The following GRIK3 variants were observed in gnomAD, a reference collection of about 807,000 sequenced individuals.
The protein encoded by GRIK3 is glutamate ionotropic receptor kainate type subunit 3, also known as glutamate receptor ionotropic, kainate 3.
In GRIK3, 29 loss-of-function variants were observed where a neutral mutation model predicts 102.5. The ratio of observed to expected loss-of-function variants is 0.28; its 90% CI spans 0.21 to 0.39. The LOEUF (loss-of-function observed/expected upper bound fraction) is 0.39, where lower values mean the gene tolerates loss of function less well. GRIK3 is among the 10% of genes least tolerant of loss of function. The pLI, the probability that GRIK3 is intolerant of heterozygous loss-of-function variation, is 1.00. For missense variants in GRIK3, 908 were observed against 1,252.4 expected, an observed-to-expected ratio of 0.73 and a Z score of 4.15; for synonymous variants, 511 against 504.9, an observed-to-expected ratio of 1.01 and a Z score of -0.16.
intron 1 of GRIK3, among the ~76,000 whole-genome samples, chr1:36,968,230 TG>T (rs1642101161): frequency 1.0e-5 from 1 of 97,690 alleles, no homozygotes; most frequent in East Asian, 2.2e-4. Context: ...CGTGTGTGTG[TG>T]TGTGTGTGTG....
At chr1:36,839,395 C>A (rs1323072412) in intron 10 of GRIK3, among the ~76,000 whole-genome samples, 2 of 152,120 alleles carry the variant, frequency 1.3e-5, no homozygotes, top group Non-Finnish European at 2.9e-5. Flanking sequence ...GCTGCTTCCC[C>A]ACCAGTTGTC....
At chr1:36,982,454 T>C (rs1400610320) in intron 1 of GRIK3, among the ~76,000 whole-genome samples, 1 of 152,222 alleles carries the variant, frequency 6.6e-6, no homozygotes, top group Non-Finnish European at 1.5e-5. Context: ...CTACTTAATG[T>C]GTGGCATATG....
intron 13 of GRIK3, among the ~76,000 whole-genome samples, chr1:36,814,232 G>A (rs981960274): frequency 3.3e-5 from 5 of 152,124 alleles, no homozygotes; most frequent in Admixed American, 6.5e-5. Flanking sequence ...GGGAGGCAGG[G>A]ACATCCAATC....
At chr1:36,931,654 G>C (rs1417704075) in intron 1 of GRIK3, among the ~76,000 whole-genome samples, 2 of 152,104 alleles carry the variant, frequency 1.3e-5, no homozygotes, top group African/African-American at 2.4e-5. Context: ...GTTTTTCTTT[G>C]CCATATGCCT....
intron 1 of GRIK3, among the ~76,000 whole-genome samples, chr1:36,908,285 C>CTTT (rs1462292253): frequency 7.9e-5 from 12 of 152,208 alleles, no homozygotes; most frequent in Admixed American, 5.2e-4. Context: ...TACTGGGGGG[C>CTTT]AGTGTCAACT....
At chr1:37,029,027 T>C (rs999790417) in intron 1 of GRIK3, among the ~76,000 whole-genome samples, 4 of 152,188 alleles carry the variant, frequency 2.6e-5, no homozygotes, top group Admixed American at 2.6e-4. Flanking sequence ...TTCATTATTT[T>C]GATTTTGCTC....
At chr1:36,856,632 T>C (rs1640656259) in intron 7 of GRIK3, among the ~76,000 whole-genome samples, 1 of 152,200 alleles carries the variant, frequency 6.6e-6, no homozygotes, top group Admixed American at 6.5e-5. Context: ...ACGGGGCTAT[T>C]CTGGGCCTTA....
At chr1:36,929,620 T>C (rs1198463904) in intron 1 of GRIK3, among the ~76,000 whole-genome samples, 2 of 152,172 alleles carry the variant, frequency 1.3e-5, no homozygotes, top group Non-Finnish European at 2.9e-5. Context: ...GTTTTTTTCC[T>C]CAGTGAATAT....
intron 1 of GRIK3, among the ~76,000 whole-genome samples, chr1:36,980,633 G>C (rs1642239680): frequency 6.6e-6 from 1 of 151,984 alleles, no homozygotes. Context: ...GGCCTGGGCA[G>C]TCAGCTCTGC....
At chr1:36,804,703 T>G in intron 15 of GRIK3, 1 of 522,006 alleles carries the variant, frequency 1.9e-6, no homozygotes, top group Non-Finnish European at 3.4e-6. Context: ...GTGTGAATTG[T>G]GGATGGTGTT....
At chr1:36,845,984 G>T (rs951016115) in intron 9 of GRIK3, among the ~76,000 whole-genome samples, 1 of 152,180 alleles carries the variant, frequency 6.6e-6, no homozygotes, top group African/African-American at 2.4e-5. Flanking sequence ...GTGTGTAGCT[G>T]GTCCTACACC....
At chr1:36,831,990 T>C (rs987474551) in intron 10 of GRIK3, among the ~76,000 whole-genome samples, 1 of 152,130 alleles carries the variant, frequency 6.6e-6, no homozygotes, top group Admixed American at 6.5e-5. Context: ...AAACTCTTTG[T>C]CTAGTGAATG....
chr1:36,900,927 A>G (rs1039513803), intron 1 of GRIK3, among the ~76,000 whole-genome samples: 2 of 152,184 alleles, frequency 1.3e-5, no homozygotes, highest in African/African-American at 2.4e-5. Context: ...TAATAACTCT[A>G]TGTCCACTAA....
intron 3 of GRIK3, among the ~76,000 whole-genome samples, chr1:36,878,227 A>G (rs1640930399): frequency 6.6e-6 from 1 of 152,244 alleles, no homozygotes; most frequent in Non-Finnish European, 1.5e-5. Context: ...TACATTAAGA[A>G]ACAACTCCAC....
intron 5 of GRIK3, among the ~76,000 whole-genome samples, chr1:36,868,290 G>T (rs1640807749): frequency 6.6e-6 from 1 of 152,232 alleles, no homozygotes; most frequent in Non-Finnish European, 1.5e-5. Context: ...ATGGCAGGAA[G>T]AAGCCAGCTT....
intron 13 of GRIK3, among the ~76,000 whole-genome samples, chr1:36,811,877 G>A (rs1642566785): frequency 6.6e-6 from 1 of 152,188 alleles, no homozygotes; most frequent in Admixed American, 6.5e-5. Context: ...GTTGTACAGG[G>A]GAGCAAATGG....
rs538800311 is a variant in GRIK3 at position 36,800,324 on chromosome 1, C to T, written c.*1527G>A. On this transcript the variant is annotated 3_prime_UTR_variant, in exon 16 of 16. Transcript: ENST00000373091. ...CCCTCCATCCTTGGCCATGGTAACC[C>T]TGCTGGCCCATCATGTTCTCTTTAA... 2.0e-5 allele frequency: 3 copies of T among 152,462 alleles called. No homozygotes were observed. The South Asian group carries it at 6.2e-4, about 32-fold the overall frequency. The allele number at this position is 152,462 out of a possible 1,614,324, so 9.4% of individuals were successfully genotyped here. A position where few individuals can be genotyped will look rare whatever the true frequency, so the allele number is the denominator to read the frequency against.
At chr1:37,002,108 G>A (rs771247386) in intron 1 of GRIK3, among the ~76,000 whole-genome samples, 9 of 152,206 alleles carry the variant, frequency 5.9e-5, no homozygotes, top group Non-Finnish European at 1.5e-5. Flanking sequence ...ATCCCCTGCA[G>A]AAGAGAAAGA....
chr1:36,971,342 T>C (rs1642137641), intron 1 of GRIK3, among the ~76,000 whole-genome samples: 1 of 152,184 alleles, frequency 6.6e-6, no homozygotes, highest in Non-Finnish European at 1.5e-5. Flanking sequence ...AAGGCTGCCT[T>C]TGCCGTAGAA....
Sources: gnomAD v4.1 joint callset for allele counts (sites outside exome capture counted in the v4.1 genomes callset) on GRCh38, gnomAD v4.1.1 for gene constraint, MANE v1.5 for transcripts, NCBI Gene and HGNC (gene_info 2026-07-23, HGNC 2026-07-21) for gene names.